The following PRKCE variants were observed in gnomAD, a reference collection of about 807,000 sequenced individuals.
PRKCE encodes the protein protein kinase C epsilon, also known as protein kinase C epsilon type.
A neutral mutation model predicts 85.4 loss-of-function variants in PRKCE; 16 were observed. That is an observed-to-expected ratio of 0.19 (90% confidence interval 0.13 to 0.28). The LOEUF is 0.28. PRKCE is among the 10% of genes least tolerant of loss of function. The probability of loss-of-function intolerance (pLI) is 1.00; values close to 1 mark genes in which losing one functional copy is unlikely to be tolerated. For synonymous variants in PRKCE, 388 were observed against 371.5 expected (o/e 1.04, Z -0.51); for missense variants, 573 against 975.2 (o/e 0.59, Z 5.49).
At chr2:45,770,863 AG>A (rs1411523635) in intron 1 of PRKCE, 2 of 41,564 alleles carry the variant, frequency 4.8e-5, no homozygotes, top group African/African-American at 9.3e-5. Context: ...AAAACAAACA[AG>A]GGCTTTTTTT....
At chr2:45,884,954 CATATATATATATATATATATATAT>C (rs745477412) in intron 2 of PRKCE, among the ~76,000 whole-genome samples, 28 of 37,568 alleles carry the variant, frequency 7.5e-4, no homozygotes, top group African/African-American at 1.7e-3. Flanking sequence ...ATATGTGATC[CATATATATATATATATATATATAT>C]ATATATATAT....
At chr2:45,928,930 A>T (rs1254662893) in intron 2 of PRKCE, among the ~76,000 whole-genome samples, 2 of 152,100 alleles carry the variant, frequency 1.3e-5, no homozygotes, top group Non-Finnish European at 2.9e-5. Context: ...GTCAGCGCTG[A>T]GGTCCACCTG....
chr2:46,113,503 G>T (rs115870941), intron 11 of PRKCE, among the ~76,000 whole-genome samples: 1,588 of 152,262 alleles, frequency 0.01, 39 homozygotes, highest in African/African-American at 0.036. Context: ...TCTTAACAAG[G>T]TGCTCCCTGT....
At chr2:45,777,079 T>C (rs1405730584) in intron 1 of PRKCE, among the ~76,000 whole-genome samples, 2 of 152,172 alleles carry the variant, frequency 1.3e-5, no homozygotes, top group African/African-American at 2.4e-5. Context: ...TTTGCTCATC[T>C]GCAAAATGGG....
At position 45,976,423 on chromosome 2, in the gene PRKCE, C is replaced by T. The variant is rs1363205202; in HGVS notation, c.413-6C>T. ...CGTTTTCTTCCCTGCTCTTGTCCTT[C>T]CCCAGCCCCTAAAGACAATGAAGAG... is the stretch of plus-strand genomic sequence containing the variant. On this transcript the variant is annotated splice_polypyrimidine_tract_variant and splice_region_variant and intron_variant, in intron 2 of 14. Transcript: ENST00000306156. The T allele has an allele frequency of 1.3e-6, 2 of 1,599,080 alleles. No homozygotes were observed. Among genetic ancestry groups the T allele is most frequent in the African/African-American group, 2.7e-5 (2 of 74,924 alleles).
At chr2:45,971,835 C>G (rs1702130408) in intron 2 of PRKCE, among the ~76,000 whole-genome samples, 1 of 152,038 alleles carries the variant, frequency 6.6e-6, no homozygotes, top group Non-Finnish European at 1.5e-5. Context: ...ATGAATACAC[C>G]ATATATTTTT....
chr2:46,147,316 C>G (rs566450117), intron 12 of PRKCE, among the ~76,000 whole-genome samples: 91 of 152,286 alleles, frequency 6.0e-4, no homozygotes, highest in African/African-American at 2.1e-3. Flanking sequence ...CAGTTCCTCT[C>G]TAAGTTGATG....
At chr2:45,813,367 T>G (rs1688788180) in intron 1 of PRKCE, among the ~76,000 whole-genome samples, 1 of 152,202 alleles carries the variant, frequency 6.6e-6, no homozygotes, top group Non-Finnish European at 1.5e-5. Context: ...GGTTAATGGC[T>G]AGAGGCAGAT....
At chr2:46,033,578 G>C (rs1707674872) in intron 10 of PRKCE, among the ~76,000 whole-genome samples, 1 of 152,202 alleles carries the variant, frequency 6.6e-6, no homozygotes, top group South Asian at 2.1e-4. Context: ...GAGAAATACT[G>C]CCTGATAGTG....
intron 4 of PRKCE, among the ~76,000 whole-genome samples, chr2:45,979,894 CT>C (rs902266009): frequency 6.6e-5 from 10 of 152,296 alleles, no homozygotes; most frequent in African/African-American, 2.4e-4. Context: ...GCAGTTCCCC[CT>C]ATCACGTCAG....
chr2:45,971,525 C>G (rs1702110352), intron 2 of PRKCE, among the ~76,000 whole-genome samples: 1 of 152,198 alleles, frequency 6.6e-6, no homozygotes, highest in South Asian at 2.1e-4. Flanking sequence ...TCAAGTGGTT[C>G]TCTCTGGCTT....
chr2:45,969,090 G>T (rs1476707008), intron 2 of PRKCE, among the ~76,000 whole-genome samples: 1 of 108,048 alleles, frequency 9.3e-6, no homozygotes, highest in African/African-American at 3.4e-5. Context: ...GAAGTTCATA[G>T]CCTAATTGAA....
chr2:45,847,190 T>A (rs1160319490), intron 2 of PRKCE, among the ~76,000 whole-genome samples: 1 of 152,218 alleles, frequency 6.6e-6, no homozygotes, highest in African/African-American at 2.4e-5. Context: ...TGGAAGGACA[T>A]TCTCTAGCAT....
At chr2:46,097,317 G>T (rs1461900160) in intron 11 of PRKCE, among the ~76,000 whole-genome samples, 1 of 152,050 alleles carries the variant, frequency 6.6e-6, no homozygotes, top group African/African-American at 2.4e-5. Context: ...AGGAGATCGA[G>T]ACCATCCTGG....
intron 1 of PRKCE, among the ~76,000 whole-genome samples, chr2:45,705,799 A>C (rs185461505): frequency 2.6e-5 from 4 of 152,300 alleles, no homozygotes. Context: ...TTATTTTCCT[A>C]TCAAATGCTG....
Position 46,155,905 on chromosome 2 carries a change from G to A in PRKCE, c.1921-3701G>A, listed in dbSNP as rs1677148918. On this transcript the variant is annotated intron_variant, in intron 13 of 14. Coordinates refer to ENST00000306156, the MANE Select transcript of PRKCE (RefSeq NM_005400.3). The surrounding 1 kb of genome is among the most constrained non-coding windows in gnomAD (Gnocchi z 4.7). ...CCTTCTCATCTCTGTACGTCTATCAGAGTGATCTCTTAGTGGGTGCAGCGC... is the reference window on the plus strand; with the variant it reads ...CCTTCTCATCTCTGTACGTCTATCAAAGTGATCTCTTAGTGGGTGCAGCGC... 1.3e-5 allele frequency among the ~76,000 whole-genome samples: 2 copies of A among 151,810 alleles called. No homozygotes were observed. Among genetic ancestry groups the A allele is most frequent in the African/African-American group, 2.4e-5 (1 of 41,280 alleles).
At chr2:45,656,770 C>T (rs991706656) in intron 1 of PRKCE, among the ~76,000 whole-genome samples, 1 of 152,208 alleles carries the variant, frequency 6.6e-6, no homozygotes, top group Non-Finnish European at 1.5e-5. Flanking sequence ...TCTGACCAGA[C>T]CAGGCTTGCT....
At chr2:46,072,016 C>T (rs1481994557) in intron 10 of PRKCE, among the ~76,000 whole-genome samples, 1 of 152,182 alleles carries the variant, frequency 6.6e-6, no homozygotes, top group Non-Finnish European at 1.5e-5. Flanking sequence ...AACAATGGTT[C>T]AACAATTCTT....
At chr2:45,853,974 G>A (rs1028283739) in intron 2 of PRKCE, among the ~76,000 whole-genome samples, 4 of 152,016 alleles carry the variant, frequency 2.6e-5, no homozygotes, top group Non-Finnish European at 4.4e-5. Flanking sequence ...TCCCACACAC[G>A]GGCCCATCCC....
Sources: allele counts gnomAD v4.1 joint callset (sites outside exome capture counted in the v4.1 genomes callset), GRCh38; gene constraint gnomAD v4.1.1; non-coding constraint Gnocchi (gnomAD v3.1); transcripts MANE v1.5; gene names NCBI Gene and HGNC (gene_info 2026-07-23, HGNC 2026-07-21).